Variants in SLC8A1 observed in about 807,000 individuals in gnomAD.
The protein encoded by SLC8A1 is solute carrier family 8 member A1.
Under a neutral mutation model 68.3 loss-of-function variants are expected in SLC8A1, and 18 were observed. That is an observed-to-expected ratio of 0.26 (90% confidence interval 0.18 to 0.39). The LOEUF (loss-of-function observed/expected upper bound fraction) is 0.39, where lower values mean the gene tolerates loss of function less well. Among genes scored for constraint, SLC8A1 ranks in the 10% least tolerant of loss-of-function variants. The probability of loss-of-function intolerance (pLI) is 1.00; values close to 1 mark genes in which losing one functional copy is unlikely to be tolerated. For missense variants in SLC8A1, 985 were observed against 1,156.7 expected (o/e 0.85, Z 2.15); for synonymous variants, 475 against 415.5 (o/e 1.14, Z -1.74).
intron 2 of SLC8A1, among the ~76,000 whole-genome samples, chr2:40,257,463 G>A (rs1242535242): frequency 2.0e-5 from 3 of 151,236 alleles, no homozygotes; most frequent in Non-Finnish European, 2.9e-5. Flanking sequence ...GACCCTCTAG[G>A]CAGCCTAGTT....
chr2:40,397,340 T>A (rs1687311512), intron 2 of SLC8A1, among the ~76,000 whole-genome samples: 1 of 152,172 alleles, frequency 6.6e-6, no homozygotes, highest in African/African-American at 2.4e-5. Flanking sequence ...GCATTATAGA[T>A]AATAAAATTC....
At chr2:40,307,944 G>C (rs2072971507) in intron 2 of SLC8A1, among the ~76,000 whole-genome samples, 1 of 152,060 alleles carries the variant, frequency 6.6e-6, no homozygotes, top group Non-Finnish European at 1.5e-5. Context: ...GCATCATGAA[G>C]AGCAGGAGAA....
intron 1 of SLC8A1, among the ~76,000 whole-genome samples, chr2:40,481,049 T>G (rs1237266877): frequency 1.3e-5 from 2 of 152,158 alleles, no homozygotes; most frequent in African/African-American, 4.8e-5. Context: ...GATGTAACTG[T>G]ATGGAAAAAC....
intron 2 of SLC8A1, among the ~76,000 whole-genome samples, chr2:40,289,598 C>T (rs1168953207): frequency 6.6e-6 from 1 of 152,128 alleles, no homozygotes; most frequent in South Asian, 2.1e-4. Flanking sequence ...TGGCTGTAAT[C>T]CCAACACTTT....
At chr2:40,234,784 A>T (rs1261282420) in intron 2 of SLC8A1, among the ~76,000 whole-genome samples, 1 of 152,146 alleles carries the variant, frequency 6.6e-6, no homozygotes, top group African/African-American at 2.4e-5. Flanking sequence ...ATCAATACCT[A>T]ATTTATTGAG....
chr2:40,220,596 C>T (rs186766553), intron 2 of SLC8A1, among the ~76,000 whole-genome samples: 1 of 152,246 alleles, frequency 6.6e-6, no homozygotes, highest in African/African-American at 2.4e-5. Flanking sequence ...AAGCACTCAG[C>T]TATTAATTTC....
rs548051812 is a variant in SLC8A1, at chr2:40,168,639, A to G, written c.1931-3655T>C. 7.9e-5 allele frequency among the ~76,000 whole-genome samples: 12 copies of G among 152,304 alleles called. 1 individual carries two copies. The South Asian group carries it at 2.3e-3, about 29-fold the overall frequency. ...CTGTTGAATACGGAAATGGTTTAAC[A>G]GCATTTTTAAAATTTTAATCATCTA... On this transcript the variant is annotated intron_variant, in intron 4 of 7. Coordinates refer to ENST00000406785, the Ensembl canonical transcript of SLC8A1.
At chr2:40,217,240 T>C in intron 2 of SLC8A1, among the ~76,000 whole-genome samples, 1 of 152,214 alleles carries the variant, frequency 6.6e-6, no homozygotes, top group Non-Finnish European at 1.5e-5. Flanking sequence ...ATTTATTGAA[T>C]AGGATATCAT....
chr2:40,306,460 G>GGA (rs1553489864), intron 2 of SLC8A1, among the ~76,000 whole-genome samples: 1 of 149,194 alleles, frequency 6.7e-6, no homozygotes, highest in African/African-American at 2.4e-5. Flanking sequence ...TGTGGGGGGG[G>GGA]GCATAGCGTG....
At chr2:40,135,704 C>T (rs7423215) in intron 7 of SLC8A1, among the ~76,000 whole-genome samples, 3 of 151,842 alleles carry the variant, frequency 2.0e-5, no homozygotes, top group African/African-American at 4.8e-5. Context: ...GGCGACAGAG[C>T]GAGTCTCCAT....
At chr2:40,318,116 A>T (rs1231545152) in intron 2 of SLC8A1, among the ~76,000 whole-genome samples, 2 of 152,090 alleles carry the variant, frequency 1.3e-5, no homozygotes, top group African/African-American at 4.8e-5. Context: ...TTCTCTCTTT[A>T]CATCTTAAGC....
At chr2:40,197,662 A>C (rs2053310216) in intron 2 of SLC8A1, among the ~76,000 whole-genome samples, 1 of 151,286 alleles carries the variant, frequency 6.6e-6, no homozygotes, top group South Asian at 2.1e-4. Flanking sequence ...AAGGAAATTC[A>C]GTATTCTTAG....
At chr2:40,210,822 G>T (rs1316912045) in intron 2 of SLC8A1, among the ~76,000 whole-genome samples, 1 of 152,112 alleles carries the variant, frequency 6.6e-6, no homozygotes, top group Non-Finnish European at 1.5e-5. Context: ...CTCCCACTCA[G>T]TTTACTTCTT....
intron 1 of SLC8A1, among the ~76,000 whole-genome samples, chr2:40,507,944 T>C (rs1041260104): frequency 3.3e-5 from 5 of 152,110 alleles, no homozygotes; most frequent in African/African-American, 1.2e-4. Context: ...TAGTTTTTAT[T>C]TCATAGAATG....
intron 6 of SLC8A1, among the ~76,000 whole-genome samples, chr2:40,140,187 C>T (rs1202148812): frequency 1.3e-5 from 2 of 152,178 alleles, no homozygotes; most frequent in Non-Finnish European, 2.9e-5. Context: ...CATATTTCTC[C>T]AGCGTCATCT....
chr2:40,124,600 A>G (rs189581836), intron 7 of SLC8A1, among the ~76,000 whole-genome samples: 2 of 152,208 alleles, frequency 1.3e-5, no homozygotes, highest in Non-Finnish European at 2.9e-5. Flanking sequence ...ACAAAAAAGC[A>G]TATGTGCCTA....
intron 2 of SLC8A1, among the ~76,000 whole-genome samples, chr2:40,385,510 A>AATAGAG (rs10678261): frequency 0.73 from 109,851 of 150,404 alleles, 41,614 homozygotes; most frequent in African/African-American, 0.93. Context: ...GGAGATTTAT[A>AATAGAG]ATAAACACGG....
At position 40,219,942 on chromosome 2, in the gene SLC8A1, G is replaced by A. The variant is rs935532421; in HGVS notation, c.1809-42087C>T. ...ATCTTTCTGTCAAAATTTGGTTAGG[G>A]CAAAATTTGACTAAAATTGTGCCAA... is the stretch of plus-strand genomic sequence containing the variant. On this transcript the variant is annotated intron_variant, in intron 2 of 7. Coordinates refer to ENST00000406785, the Ensembl canonical transcript of SLC8A1. Among the ~76,000 whole-genome samples the A allele has an allele frequency of 1.2e-3, 172 of 147,596 alleles. 2 individuals carry two copies. The highest frequency in any genetic ancestry group is 4.1e-3 in the African/African-American group (162 of 39,140).
At chr2:40,146,949 C>G (rs370107447) in intron 6 of SLC8A1, among the ~76,000 whole-genome samples, 1 of 152,052 alleles carries the variant, frequency 6.6e-6, no homozygotes, top group Non-Finnish European at 1.5e-5. Flanking sequence ...GCAACTCACT[C>G]TCTGTTAATA....
Sources: allele counts gnomAD v4.1 joint callset (sites outside exome capture counted in the v4.1 genomes callset), GRCh38; gene constraint gnomAD v4.1.1; transcripts MANE v1.5; gene names NCBI Gene and HGNC (gene_info 2026-07-23, HGNC 2026-07-21).